IGF2R: variants seen among roughly 807,000 people sequenced by gnomAD.
IGF2R encodes the protein cation-independent mannose-6-phosphate receptor.
Under a neutral mutation model 270.6 loss-of-function variants are expected in IGF2R, and 91 were observed. That is an observed-to-expected ratio of 0.34 (90% confidence interval 0.28 to 0.40). IGF2R has a LOEUF of 0.40. Among genes scored for constraint, IGF2R ranks in the 10% least tolerant of loss-of-function variants. The pLI is 1.00. For missense variants in IGF2R, 2,805 were observed against 3,188.3 expected, an observed-to-expected ratio of 0.88 and a Z score of 2.90; for synonymous variants, 1,316 against 1,258.9, an observed-to-expected ratio of 1.05 and a Z score of -0.96.
intron 1 of IGF2R, among the ~76,000 whole-genome samples, chr6:159,980,194 A>G (rs1455284900): frequency 1.6e-5 from 1 of 63,390 alleles, no homozygotes; most frequent in South Asian, 7.2e-4. Flanking sequence ...AAAGAAAGAA[A>G]GAAAGAAAGA....
In IGF2R at chr6:160,079,781, C is replaced by T; in HGVS notation, c.5680C>T (p.Pro1894Ser). The change falls in exon 38 of 48, where the codon CCT becomes TCT. Residue 1894 changes from proline (P) to serine (S), a missense_variant. By Grantham distance (74) the Pro-to-Ser change is moderately conservative. Around this residue, in one of 2 missense-constraint regions of IGF2R, gnomAD observed 1,851 missense variants for 2,207.2 expected, o/e 0.84. Coordinates refer to ENST00000356956, the MANE Select transcript of IGF2R (RefSeq NM_000876.4). ...AAGTTACGTGAATGGTGATCGTTGC[C>T]CTCCAGGTAAATATTTGCAATGAGG... ...VLSYVNGDRC[P>S]PETDDGVPCV... The T allele has an allele frequency of 2.1e-6, 3 of 1,445,870 alleles. No individual in the cohort carries two copies. Among genetic ancestry groups the T allele is most frequent in the African/African-American group, 1.4e-5 (1 of 69,826 alleles). The allele number at this position is 1,445,870 out of a possible 1,614,324, so 89.6% of individuals were successfully genotyped here. A position where few individuals can be genotyped will look rare whatever the true frequency, so the allele number is the denominator to read the frequency against.
intron 4 of IGF2R, among the ~76,000 whole-genome samples, chr6:160,017,771 T>G (rs1477841955): frequency 1.3e-5 from 2 of 152,136 alleles, no homozygotes; most frequent in Non-Finnish European, 2.9e-5. Context: ...GTTTCATGTA[T>G]GAAGGAAAAA....
In IGF2R at chr6:160,060,713, C is replaced by G; in HGVS notation, c.3258C>G (p.Val1086=). ...ACVPSPVDCQ[V]TDLAGNEYDL... ...TTCCTTCTCCAGTGGACTGCCAAGT[C>G]ACCGGTAAGGCCGTGCGGCCTAAGA... The change falls in exon 23 of 48, where the codon GTC becomes GTG. Residue 1086 remains valine, a synonymous_variant. Transcript: ENST00000356956. 6.2e-7 allele frequency: 1 copy of G among 1,614,216 alleles called. No homozygotes were observed. Among genetic ancestry groups the G allele is most frequent in the Non-Finnish European group, 8.5e-7 (1 of 1,180,032 alleles).
intron 4 of IGF2R, among the ~76,000 whole-genome samples, chr6:160,011,283 G>C (rs1484138966): frequency 6.6e-6 from 1 of 152,128 alleles, no homozygotes; most frequent in African/African-American, 2.4e-5. Flanking sequence ...GCTGCAATGT[G>C]AGTCCAGGTC....
At chr6:160,017,607 G>T (rs1356255076) in intron 4 of IGF2R, among the ~76,000 whole-genome samples, 1 of 152,106 alleles carries the variant, frequency 6.6e-6, no homozygotes, top group Non-Finnish European at 1.5e-5. Context: ...CTATCCACGA[G>T]AAAAGTATCT....
chr6:160,037,872 A>T (rs1777861227), intron 10 of IGF2R, among the ~76,000 whole-genome samples: 1 of 152,118 alleles, frequency 6.6e-6, no homozygotes, highest in Non-Finnish European at 1.5e-5. Context: ...CCATCTGCAG[A>T]TGTGACTTCC....
chr6:159,987,828 T>A (rs997793048), intron 1 of IGF2R, among the ~76,000 whole-genome samples: 6 of 152,216 alleles, frequency 3.9e-5, no homozygotes. Flanking sequence ...GACTAAGAAC[T>A]CTGAGATATT....
At chr6:160,038,003 G>A (rs1777864215) in intron 10 of IGF2R, among the ~76,000 whole-genome samples, 1 of 152,206 alleles carries the variant, frequency 6.6e-6, no homozygotes, top group South Asian at 2.1e-4. Flanking sequence ...TTAGCTATGT[G>A]TCTAGAGGAA....
Position 160,045,881 on chromosome 6 carries a change from A to G in IGF2R, c.1902A>G (p.Ala634=). 6.4e-7 allele frequency: 1 copy of G among 1,553,020 alleles called. No homozygotes were observed. Among genetic ancestry groups the G allele is most frequent in the Non-Finnish European group, 8.7e-7 (1 of 1,152,686 alleles). The change falls in exon 14 of 48, where the codon GCA becomes GCG. Residue 634 remains alanine, a splice_region_variant and synonymous_variant. Transcript: ENST00000356956. ...ACTGCACGGTCTTTGACTCCCAGGC[A>G]GGTCTGTGTCCAAGCAGGACCTCTG... ...GENCTVFDSQ[A]GFSFDLSPLT...
chr6:160,009,155 G>A, intron 3 of IGF2R, 21 bp downstream of exon 3: 1 of 1,589,586 alleles, frequency 6.3e-7, no homozygotes, highest in East Asian at 2.3e-5. Flanking sequence ...ACAGGCACTT[G>A]ATGTATTTCT....
At chr6:160,057,950 G>T in intron 20 of IGF2R, 73 bp from the exon 21 acceptor site, 1 of 843,104 alleles carries the variant, frequency 1.2e-6, no homozygotes. Flanking sequence ...GTTTCTGGAG[G>T]TGCTGTATGT....
chr6:160,051,028 T>A (rs947682426), intron 19 of IGF2R, among the ~76,000 whole-genome samples: 1 of 152,170 alleles, frequency 6.6e-6, no homozygotes, highest in African/African-American at 2.4e-5. Flanking sequence ...AAGGGAAAGC[T>A]TCCCTTTCAC....
At chr6:160,104,471 G>A (rs906777999) in intron 47 of IGF2R, among the ~76,000 whole-genome samples, 8 of 151,874 alleles carry the variant, frequency 5.3e-5, no homozygotes, top group African/African-American at 1.9e-4. Flanking sequence ...CTCCTGCCTT[G>A]GTGCAGTCTC....
intron 4 of IGF2R, among the ~76,000 whole-genome samples, chr6:160,017,854 A>G (rs1329290732): frequency 6.6e-6 from 1 of 152,242 alleles, no homozygotes; most frequent in Non-Finnish European, 1.5e-5. Context: ...TTAATGCCCA[A>G]AGGAGGTCTA....
At chr6:160,047,742 C>G in intron 16 of IGF2R, 50 bp from the exon 17 acceptor site, 1 of 1,121,368 alleles carries the variant, frequency 8.9e-7, no homozygotes, top group Admixed American at 1.7e-5. Flanking sequence ...GGTTTTATGT[C>G]ACGTGTCTTT....
At chr6:160,027,911 C>T (rs1777598349) in intron 6 of IGF2R, among the ~76,000 whole-genome samples, 1 of 152,118 alleles carries the variant, frequency 6.6e-6, no homozygotes. Flanking sequence ...CTTTGGTAGA[C>T]ACCTTGTTGT....
intron 41 of IGF2R, 138 bp downstream of exon 41, chr6:160,085,269 A>G: frequency 1.1e-6 from 1 of 903,232 alleles, no homozygotes; most frequent in South Asian, 1.7e-5. Context: ...TCACTGTCTC[A>G]CAGGCATTTT....
At position 160,084,903 on chromosome 6, in the gene IGF2R, C is replaced by T; in HGVS notation, c.6069-92C>T. The stretch of plus-strand genomic sequence containing the variant: ...GAATGGAGCCCTTAGTTATCAGAAC[C>T]TTTCTCTGAAAGTAAAGTGAAGAGC... On this transcript the variant is annotated intron_variant, in intron 40 of 47. Transcript: ENST00000356956. This position sits in a 1 kb window ranked among gnomAD's most constrained non-coding sequence, Gnocchi z 4.6. 1 of 1,253,598 alleles carries T rather than the reference C, an allele frequency of 8.0e-7. No homozygotes were observed. Among genetic ancestry groups the T allele is most frequent in the South Asian group, 1.5e-5 (1 of 67,270 alleles). 77.7% of individuals were successfully genotyped at this position (1,253,598 alleles called of 1,614,324 possible). A position where few individuals can be genotyped will look rare whatever the true frequency, so the allele number is the denominator to read the frequency against.
chr6:160,069,054 G>C (rs1054004576), intron 30 of IGF2R, among the ~76,000 whole-genome samples: 1 of 152,136 alleles, frequency 6.6e-6, no homozygotes, highest in Non-Finnish European at 1.5e-5. Flanking sequence ...TGGGGGGTGT[G>C]ACGTGGAGGT....
Sources: gnomAD v4.1 joint callset for allele counts (sites outside exome capture counted in the v4.1 genomes callset) on GRCh38, gnomAD v4.1.1 for gene constraint, gnomAD v4.1.1 regional missense constraint, Gnocchi (gnomAD v3.1) non-coding constraint, MANE v1.5 for transcripts, NCBI Gene and HGNC (gene_info 2026-07-23, HGNC 2026-07-21) for gene names.